The following RHBDF2 variants were observed in gnomAD, a reference collection of about 807,000 sequenced individuals.
RHBDF2 encodes inactive rhomboid protein 2.
In RHBDF2, 38 loss-of-function variants were observed where a neutral mutation model predicts 95.2. The observed-to-expected ratio is 0.40, with a 90% confidence interval of 0.31 to 0.52. RHBDF2 has a LOEUF of 0.52. Ranked by LOEUF, RHBDF2 falls within the 20% of genes least tolerant of loss-of-function variation. The pLI is 0.56. For synonymous variants in RHBDF2, 442 were observed against 462.0 expected (o/e 0.96, Z 0.55); for missense variants, 863 against 1,137.7 (o/e 0.76, Z 3.47).
chr17:76,474,456 C>G lies in RHBDF2; in HGVS notation c.1381G>C (p.Glu461Gln). The G allele has an allele frequency of 6.2e-7, 1 of 1,614,092 alleles. No individual in the cohort carries two copies. Among genetic ancestry groups the G allele is most frequent in the Non-Finnish European group, 8.5e-7 (1 of 1,180,002 alleles). ...DGQIEQLVLR[E>Q]RDLERDSGCC... The stretch of plus-strand genomic sequence containing the variant: ...CCTGAGTCCCGCTCCAGGTCTCGCT[C>G]GCGCAGCACCAGCTGCTCGATCTGC... Residue 461 changes from glutamate to glutamine, a missense_variant, in exon 12 of 19, where the codon GAG becomes CAG. Coordinates refer to ENST00000675367, the MANE Select transcript of RHBDF2 (RefSeq NM_001005498.4).
chr17:76,486,559 A>T (rs970861065), intron 2 of RHBDF2, among the ~76,000 whole-genome samples: 3 of 152,026 alleles, frequency 2.0e-5, no homozygotes, highest in East Asian at 1.9e-4. Context: ...TAAAAAAATT[A>T]AAAAATTAGC....
At chr17:76,498,880 CTGTG>C (rs376312324) in intron 1 of RHBDF2, among the ~76,000 whole-genome samples, 4 of 133,600 alleles carry the variant, frequency 3.0e-5, no homozygotes, top group African/African-American at 1.1e-4. Flanking sequence ...TTGTGTGTGT[CTGTG>C]TGTGTGTGTG....
At chr17:76,472,548 C>A in intron 18 of RHBDF2, 138 bp downstream of exon 18, 1 of 1,109,238 alleles carries the variant, frequency 9.0e-7, no homozygotes, top group East Asian at 2.5e-5. Flanking sequence ...AGTAAGCCCC[C>A]AGATTAGCTG....
chr17:76,492,880 A>G (rs539026673), intron 1 of RHBDF2, among the ~76,000 whole-genome samples: 26 of 152,214 alleles, frequency 1.7e-4, no homozygotes, highest in African/African-American at 6.3e-4. Flanking sequence ...AGGCCCTTGG[A>G]TAAGAAGTAA....
intron 1 of RHBDF2, among the ~76,000 whole-genome samples, chr17:76,500,522 C>T (rs2074552135): frequency 6.6e-6 from 1 of 152,142 alleles, no homozygotes; most frequent in South Asian, 2.1e-4. Context: ...GCAGCCTCTC[C>T]CCAAGTGGGG....
Position 76,472,026 on chromosome 17 carries a change from G to A in RHBDF2, c.2091C>T (p.Gly697=). The A allele has an allele frequency of 6.4e-7, 1 of 1,570,432 alleles. No individual in the cohort carries two copies. The highest frequency in any genetic ancestry group is 8.6e-7 in the Non-Finnish European group (1 of 1,157,836). The change falls in exon 19 of 19, where the codon GGC becomes GGT. Residue 697 remains glycine (G), a synonymous_variant. Coordinates refer to ENST00000675367, the MANE Select transcript of RHBDF2 (RefSeq NM_001005498.4). ...AEVGPAGSQF[G]LLACLFVELF... is the part of the protein sequence containing the mutation. Reference sequence around the variant, plus strand: ...GCTCCACGAAGAGGCAGGCGAGGAGGCCGAACTGTGAGCCGGCCGGGCCCA... The same window carrying A: ...GCTCCACGAAGAGGCAGGCGAGGAGACCGAACTGTGAGCCGGCCGGGCCCA...
At chr17:76,482,874 A>T (rs2074013044) in intron 2 of RHBDF2, among the ~76,000 whole-genome samples, 1 of 152,158 alleles carries the variant, frequency 6.6e-6, no homozygotes, top group Non-Finnish European at 1.5e-5. Flanking sequence ...ATTGAAAAAA[A>T]AAAAAAATCA....
intron 12 of RHBDF2, 63 bp downstream of exon 12, chr17:76,474,309 AG>A (rs2073692694): frequency 6.4e-7 from 1 of 1,566,674 alleles, no homozygotes; most frequent in African/African-American, 1.3e-5. Context: ...CTTGAAGGAC[AG>A]GGCAAGTGGA....
chr17:76,497,962 C>T (rs894053959), intron 1 of RHBDF2, among the ~76,000 whole-genome samples: 4 of 152,204 alleles, frequency 2.6e-5, no homozygotes, highest in Non-Finnish European at 5.9e-5. Context: ...AGGAGCCGGG[C>T]ACTGGGGCTG....
intron 1 of RHBDF2, chr17:76,493,047 T>A (rs1598167062): frequency 6.6e-6 from 1 of 151,968 alleles, no homozygotes; most frequent in African/African-American, 2.4e-5. Flanking sequence ...GAGCCGCGGG[T>A]GGGCGAGGCG....
chr17:76,500,428 G>A (rs766067229), intron 1 of RHBDF2, among the ~76,000 whole-genome samples: 1 of 152,138 alleles, frequency 6.6e-6, no homozygotes, highest in Admixed American at 6.5e-5. Flanking sequence ...GGACAGTGAG[G>A]GTCGAATAAG....
At chr17:76,500,743 G>A (rs1250139023) in intron 1 of RHBDF2, among the ~76,000 whole-genome samples, 2 of 152,182 alleles carry the variant, frequency 1.3e-5, no homozygotes, top group Non-Finnish European at 2.9e-5. Flanking sequence ...ACATCCGAGG[G>A]GCCAAACAGG....
At position 76,501,384 on chromosome 17, in the gene RHBDF2, C is replaced by T. The variant is rs1352809635; in HGVS notation, c.-251G>A. The T allele has an allele frequency of 6.6e-6, 1 of 152,252 alleles. No homozygotes were observed. The highest frequency in any genetic ancestry group is 2.4e-5 in the African/African-American group (1 of 41,448). The allele number at this position is 152,252 out of a possible 1,614,324, so 9.4% of individuals were successfully genotyped here. On this transcript the variant is annotated 5_prime_UTR_variant, in exon 1 of 19. Transcript: ENST00000675367. ...GCGGCCCCAAGTCCCCGGGACGCAA[C>T]TCCGTGCGGCGCCTGCGAGCGGCTG...
chr17:76,473,922 T>G lies in RHBDF2; in HGVS notation c.1575-20A>C, dbSNP rs767838268. 15 of 1,613,594 alleles carry G rather than the reference T, an allele frequency of 9.3e-6. No individual in the cohort carries two copies. Among genetic ancestry groups the G allele is most frequent in the Non-Finnish European group, 1.3e-5 (15 of 1,179,842 alleles). ...CAGGTCCTGGAGACAGGGTTCAGAT[T>G]GGGCTGTGGCACACCCAGCGTGCCA... On this transcript the variant is annotated intron_variant, in intron 13 of 18. Coordinates refer to ENST00000675367, the MANE Select transcript of RHBDF2 (RefSeq NM_001005498.4).
At chr17:76,480,838 G>A (rs745810078) in intron 3 of RHBDF2, among the ~76,000 whole-genome samples, 1 of 152,160 alleles carries the variant, frequency 6.6e-6, no homozygotes, top group South Asian at 2.1e-4. Flanking sequence ...AACGGGGGGC[G>A]TTAACATCGC....
chr17:76,474,637 C>G (rs751057742), intron 11 of RHBDF2, 93 bp downstream of exon 11: 1 of 1,611,884 alleles, frequency 6.2e-7, no homozygotes, highest in South Asian at 1.1e-5. Flanking sequence ...GATGAGGGGC[C>G]TGCGGGTGGG....
intron 9 of RHBDF2, among the ~76,000 whole-genome samples, chr17:76,475,536 A>G (rs1190113486): frequency 6.7e-6 from 1 of 149,314 alleles, no homozygotes; most frequent in Non-Finnish European, 1.5e-5. Flanking sequence ...CTCCCTCTCT[A>G]TCCTCCTCCG....
rs754066543 is a variant in RHBDF2 at position 76,472,762 on chromosome 17, C to T, written c.1988G>A (p.Arg663His). The change falls in exon 18 of 19, where the codon CGT (arginine) becomes CAT (histidine). Residue 663 changes from arginine to histidine, a missense_variant. Arg to His is a conservative substitution (Grantham distance 29). This residue lies in a region of RHBDF2 where 252 missense variants were observed against 412.2 expected (regional missense o/e 0.61). Coordinates refer to ENST00000675367, the MANE Select transcript of RHBDF2 (RefSeq NM_001005498.4). ...RDLEKLAGWH[R>H]IAIIFILSGI... is the part of the protein sequence containing the mutation. ...ACTGAGGATGAAGATGATGGCGATA[C>T]GGTGCCAGCCGGCCAGCTTCTCCAG... is the stretch of plus-strand genomic sequence containing the variant. 1.5e-5 allele frequency: 24 copies of T among 1,612,590 alleles called. No individual in the cohort carries two copies. Among genetic ancestry groups the T allele is most frequent in the Non-Finnish European group, 1.7e-5 (20 of 1,179,350 alleles).
intron 18 of RHBDF2, 129 bp downstream of exon 18, chr17:76,472,556 CT>C (rs749656211): frequency 8.4e-7 from 1 of 1,189,558 alleles, no homozygotes; most frequent in Admixed American, 1.8e-5. Context: ...CCCAGATTAG[CT>C]GTCCCTCCGC....
Sources: gnomAD v4.1 joint callset for allele counts (sites outside exome capture counted in the v4.1 genomes callset) on GRCh38, gnomAD v4.1.1 for gene constraint, gnomAD v4.1.1 regional missense constraint, MANE v1.5 for transcripts, NCBI Gene and HGNC (gene_info 2026-07-23, HGNC 2026-07-21) for gene names.